MARCHF1: variants seen among roughly 807,000 people sequenced by gnomAD.
The protein encoded by MARCHF1 is E3 ubiquitin-protein ligase MARCHF1.
In MARCHF1, 40 loss-of-function variants were observed where a neutral mutation model predicts 54.2. The observed-to-expected ratio is 0.74, with a 90% confidence interval of 0.57 to 0.96. MARCHF1 has a LOEUF of 0.96. MARCHF1 is among the 40% of genes least tolerant of loss of function. The probability of loss-of-function intolerance (pLI) is 0.00; values close to 1 mark genes in which losing one functional copy is unlikely to be tolerated. For missense variants in MARCHF1, 586 were observed against 656.5 expected, an observed-to-expected ratio of 0.89 and a Z score of 1.17; for synonymous variants, 236 against 236.3, an observed-to-expected ratio of 1.00 and a Z score of 0.01.
At position 163,955,403 on chromosome 4, in the gene MARCHF1, G is replaced by C. The variant is rs538349541; in HGVS notation, c.-39+33098C>G. On this transcript the variant is annotated intron_variant, in intron 3 of 9. Coordinates refer to ENST00000514618, the MANE Select transcript of MARCHF1 (RefSeq NM_001394959.1). ...AAAAAAAACTTTAATGACTCTCACTGCCTGTAACATGAAGTCCACACTTCA... is the reference window on the plus strand; with the variant it reads ...AAAAAAAACTTTAATGACTCTCACTCCCTGTAACATGAAGTCCACACTTCA... 4.1e-5 allele frequency among the ~76,000 whole-genome samples: 6 copies of C among 147,230 alleles called. No individual in the cohort carries two copies. The South Asian group carries it at 6.4e-4, about 16-fold the overall frequency.
At chr4:164,236,118 A>G (rs1183936842) in intron 1 of MARCHF1, among the ~76,000 whole-genome samples, 1 of 152,118 alleles carries the variant, frequency 6.6e-6, no homozygotes. Flanking sequence ...CACTTCACAA[A>G]TCACAATGAA....
rs533262117 is a variant in MARCHF1 at position 163,959,877 on chromosome 4, A to G, written c.-39+28624T>C. ...AAGAAACTATTAACAGAGTAAACAG[A>G]CAAGCTACACAATGGGAGAAAATAT... On this transcript the variant is annotated intron_variant, in intron 3 of 9. Transcript: ENST00000514618. Among the ~76,000 whole-genome samples, 10 of 152,114 alleles carry G rather than the reference A, an allele frequency of 6.6e-5. No individual in the cohort carries two copies. The South Asian group carries it at 2.1e-3, about 32-fold the overall frequency.
At chr4:164,076,103 C>T (rs1175840261) in intron 2 of MARCHF1, among the ~76,000 whole-genome samples, 1 of 151,326 alleles carries the variant, frequency 6.6e-6, no homozygotes, top group Non-Finnish European at 1.5e-5. Flanking sequence ...AACTTTCATT[C>T]TAGGACCCAA....
chr4:164,275,597 G>C (rs1733859836), intron 1 of MARCHF1, among the ~76,000 whole-genome samples: 1 of 152,216 alleles, frequency 6.6e-6, no homozygotes, highest in Non-Finnish European at 1.5e-5. Context: ...TTAGTGGGTT[G>C]ATTAAATTCC....
Position 164,338,290 on chromosome 4 carries a change from G to A in MARCHF1, c.-323+45580C>T, listed in dbSNP as rs149075099. Among the ~76,000 whole-genome samples, 10 of 151,958 alleles carry A rather than the reference G, an allele frequency of 6.6e-5. No homozygotes were observed. The East Asian group carries it at 1.9e-3, about 29-fold the overall frequency. ...TATCATAGATACACTAAGATAAAGA[G>A]GAAAGAATCAAAGCATACCATTACA... On this transcript the variant is annotated intron_variant, in intron 1 of 9. Transcript: ENST00000514618.
intron 1 of MARCHF1, among the ~76,000 whole-genome samples, chr4:164,306,826 CA>C (rs1370377537): frequency 6.6e-6 from 1 of 152,006 alleles, no homozygotes; most frequent in African/African-American, 2.4e-5. Flanking sequence ...GCCTCTTATA[CA>C]AAAGATATTA....
At chr4:164,222,518 T>C (rs1461345321) in intron 1 of MARCHF1, among the ~76,000 whole-genome samples, 1 of 151,892 alleles carries the variant, frequency 6.6e-6, no homozygotes, top group Non-Finnish European at 1.5e-5. Flanking sequence ...TGTTGAAACA[T>C]GCTAGCAAGA....
chr4:163,902,409 T>A (rs1009631302), intron 3 of MARCHF1, among the ~76,000 whole-genome samples: 1 of 152,186 alleles, frequency 6.6e-6, no homozygotes, highest in East Asian at 1.9e-4. Flanking sequence ...GTATCTTAAG[T>A]GGCATTAATA....
intron 2 of MARCHF1, among the ~76,000 whole-genome samples, chr4:164,091,649 C>T (rs1423181106): frequency 6.6e-6 from 1 of 151,782 alleles, no homozygotes; most frequent in African/African-American, 2.4e-5. Context: ...AATAAAAGAT[C>T]ACCTATCTAC....
intron 2 of MARCHF1, among the ~76,000 whole-genome samples, chr4:164,046,492 T>C (rs1481906057): frequency 6.6e-6 from 1 of 152,232 alleles, no homozygotes; most frequent in Non-Finnish European, 1.5e-5. Context: ...ACACTAATTA[T>C]TGGTATTTCT....
At chr4:163,668,498 T>C (rs182044727) in intron 5 of MARCHF1, among the ~76,000 whole-genome samples, 8 of 151,852 alleles carry the variant, frequency 5.3e-5, no homozygotes, top group Admixed American at 1.3e-4. Context: ...GAAGAGGAGA[T>C]GGAGGTAGAA....
At chr4:164,045,520 TAA>T (rs1754223587) in intron 2 of MARCHF1, among the ~76,000 whole-genome samples, 2 of 38,224 alleles carry the variant, frequency 5.2e-5, no homozygotes, top group Non-Finnish European at 2.2e-4. Context: ...TTTAAATAAA[TAA>T]ATAAATAAAT....
intron 5 of MARCHF1, 58 bp downstream of exon 5, chr4:163,700,755 T>C (rs1448425758): frequency 1.6e-6 from 2 of 1,231,922 alleles, no homozygotes; most frequent in African/African-American, 3.0e-5. Context: ...TTATAAACAT[T>C]TATGTGAACT....
intron 1 of MARCHF1, among the ~76,000 whole-genome samples, chr4:164,244,042 G>T (rs1202998482): frequency 3.9e-5 from 6 of 152,170 alleles, no homozygotes; most frequent in Admixed American, 2.6e-4. Flanking sequence ...ACATTAGACA[G>T]ATCAACGAGA....
chr4:163,660,189 G>A (rs1705330138), intron 5 of MARCHF1, among the ~76,000 whole-genome samples: 1 of 152,042 alleles, frequency 6.6e-6, no homozygotes, highest in South Asian at 2.1e-4. Flanking sequence ...TAAAGAAAAT[G>A]TGGCACATAT....
At chr4:164,175,764 C>T (rs1389956051) in intron 1 of MARCHF1, among the ~76,000 whole-genome samples, 3 of 152,194 alleles carry the variant, frequency 2.0e-5, no homozygotes, top group Admixed American at 6.5e-5. Flanking sequence ...TTCCAGCCCA[C>T]CACGCTGCCC....
At chr4:163,913,359 C>T (rs887025541) in intron 3 of MARCHF1, among the ~76,000 whole-genome samples, 2 of 152,168 alleles carry the variant, frequency 1.3e-5, no homozygotes, top group Non-Finnish European at 1.5e-5. Context: ...ATGTGTAATA[C>T]AACTGCCCTG....
intron 1 of MARCHF1, among the ~76,000 whole-genome samples, chr4:164,323,870 C>T (rs1290463412): frequency 6.6e-6 from 1 of 151,518 alleles, no homozygotes; most frequent in Non-Finnish European, 1.5e-5. Context: ...GAAAAATAAC[C>T]TGAATTAGGG....
At chr4:164,053,253 T>G (rs1267983682) in intron 2 of MARCHF1, among the ~76,000 whole-genome samples, 1 of 152,150 alleles carries the variant, frequency 6.6e-6, no homozygotes, top group Non-Finnish European at 1.5e-5. Flanking sequence ...AAAAAACAGT[T>G]ACCAATGACC....
Sources: allele counts gnomAD v4.1 joint callset (sites outside exome capture counted in the v4.1 genomes callset), GRCh38; gene constraint gnomAD v4.1.1; transcripts MANE v1.5; gene names NCBI Gene and HGNC (gene_info 2026-07-23, HGNC 2026-07-21).